The following CYTH3 variants were observed in gnomAD, a reference collection of about 807,000 sequenced individuals.
CYTH3 encodes cytohesin-3.
In CYTH3, 23 loss-of-function variants were observed where a neutral mutation model predicts 55.1. The observed-to-expected ratio is 0.42, with a 90% CI of 0.30 to 0.59. The LOEUF is 0.59. Ranked by LOEUF, CYTH3 falls within the 20% of genes least tolerant of loss-of-function variation. CYTH3 has a pLI of 0.20. For missense variants in CYTH3, 413 were observed against 524.8 expected (o/e 0.79, Z 2.08); for synonymous variants, 249 against 194.9 (o/e 1.28, Z -2.31).
At chr7:6,192,766 C>G (rs1410910704) in intron 1 of CYTH3, among the ~76,000 whole-genome samples, 1 of 150,634 alleles carries the variant, frequency 6.6e-6, no homozygotes, top group Non-Finnish European at 1.5e-5. Context: ...CTCCTGACCT[C>G]AAGTGATCCA....
At position 6,214,210 on chromosome 7, in the gene CYTH3, AGGTTAATC is replaced by A. The variant is rs557899194; in HGVS notation, c.35-23687_35-23680del. ...CATGTGATAAAGCACACACAGTGAA[AGGTTAATC>A]GTGGAGCCTAGGTGGGGGGTTTACA... is the stretch of plus-strand genomic sequence containing the variant. On this transcript the variant is annotated intron_variant, in intron 1 of 12. Transcript: ENST00000350796. Among the ~76,000 whole-genome samples the A allele has an allele frequency of 3.8e-4, 58 of 152,356 alleles. No homozygotes were observed. In the South Asian group the frequency reaches 9.9e-3, roughly 26 times the overall value.
chr7:6,190,321 T>TA (rs1251678573), intron 2 of CYTH3, 128 bp downstream of exon 2: 2 of 841,684 alleles, frequency 2.4e-6, no homozygotes, highest in Non-Finnish European at 3.5e-6. Context: ...AAACATCTTT[T>TA]TTTTTTGTTA....
chr7:6,207,086 C>CTTTTTT (rs58910123), intron 1 of CYTH3, among the ~76,000 whole-genome samples: 3 of 104,052 alleles, frequency 2.9e-5, no homozygotes, highest in East Asian at 4.3e-4. Flanking sequence ...AAATGTGCAA[C>CTTTTTT]TTTTTTTTTT....
In CYTH3 at chr7:6,167,354, G is replaced by A. The variant is rs1455404565; in HGVS notation, c.824-1544C>T. On this transcript the variant is annotated intron_variant, in intron 9 of 12. Transcript: ENST00000350796. The surrounding 1 kb of genome is among the most constrained non-coding windows in gnomAD (Gnocchi z 5.5). ...GTGTTCTATGTCCCCGAGACCCTAG[G>A]GACAGGAGGACAGTGCTGATTCCTT... is the stretch of plus-strand genomic sequence containing the variant. Among the ~76,000 whole-genome samples the A allele has an allele frequency of 6.6e-6, 1 of 152,126 alleles. No individual in the cohort carries two copies. Among genetic ancestry groups the A allele is most frequent in the Non-Finnish European group, 1.5e-5 (1 of 68,004 alleles).
Position 6,177,922 on chromosome 7 carries a change from T to A in CYTH3, c.269A>T (p.Glu90Val), listed in dbSNP as rs1163074197. Reference protein sequence around the residue: ...DPKKGIQFLIENDLLQSSPED... With the variant: ...DPKKGIQFLIVNDLLQSSPED... ...TGGGGAACTCTGTAGCAGGTCATTT[T>A]CTATTAGAAACTGAATTCCCTGAAG... The change falls in exon 5 of 13, where the codon GAA (glutamate) becomes GTA (valine). Residue 90 changes from glutamate (E) to valine (V), a missense_variant. Glu to Val is a moderately radical substitution (Grantham distance 121). Around this residue, in one of 4 missense-constraint regions of CYTH3, gnomAD observed 152 missense variants for 148.1 expected, o/e 1.03. Coordinates refer to ENST00000350796, the MANE Select transcript of CYTH3 (RefSeq NM_004227.4). 2 of 1,614,036 alleles carry A rather than the reference T, an allele frequency of 1.2e-6. No homozygotes were observed. Among genetic ancestry groups the A allele is most frequent in the African/African-American group, 2.7e-5 (2 of 75,056 alleles).
intron 2 of CYTH3, 22 bp downstream of exon 2, chr7:6,190,427 G>GT (rs1783772420): frequency 3.7e-5 from 46 of 1,247,538 alleles, no homozygotes; most frequent in South Asian, 2.1e-4. Context: ...TTGGATTTTT[G>GT]GTTTTTTTTT....
chr7:6,198,112 G>GAA (rs547379573), intron 1 of CYTH3, among the ~76,000 whole-genome samples: 1 of 131,642 alleles, frequency 7.6e-6, no homozygotes. Flanking sequence ...AAAAAAAAAG[G>GAA]AAAAAAAAAA....
chr7:6,192,689 G>A (rs1410112240), intron 1 of CYTH3, among the ~76,000 whole-genome samples: 5 of 151,218 alleles, frequency 3.3e-5, no homozygotes, highest in African/African-American at 9.7e-5. Flanking sequence ...GCACCACCAC[G>A]CTCGGCTAAT....
intron 1 of CYTH3, among the ~76,000 whole-genome samples, chr7:6,257,117 T>TA (rs1780149363): frequency 6.6e-6 from 1 of 152,180 alleles, no homozygotes; most frequent in African/African-American, 2.4e-5. Flanking sequence ...GATTTTTTTT[T>TA]ACATAAGGCA....
chr7:6,199,359 T>C (rs1032913325), intron 1 of CYTH3, among the ~76,000 whole-genome samples: 2 of 151,802 alleles, frequency 1.3e-5, no homozygotes, highest in Admixed American at 6.6e-5. Context: ...ATGATGGGGG[T>C]AGAAAAACAG....
intron 1 of CYTH3, among the ~76,000 whole-genome samples, chr7:6,247,172 T>A (rs942653335): frequency 2.0e-5 from 3 of 152,254 alleles, no homozygotes; most frequent in African/African-American, 7.2e-5. Context: ...CCTTCACAAA[T>A]TAACAACAAT....
At chr7:6,235,490 A>AG (rs1182359490) in intron 1 of CYTH3, among the ~76,000 whole-genome samples, 1 of 151,562 alleles carries the variant, frequency 6.6e-6, no homozygotes, top group Non-Finnish European at 1.5e-5. Flanking sequence ...AAAAAAAAAA[A>AG]ACTGCTTAGT....
chr7:6,169,290 G>A lies in CYTH3; in HGVS notation c.823+1245C>T, dbSNP rs948915341. Among the ~76,000 whole-genome samples the A allele has an allele frequency of 3.9e-5, 6 of 152,144 alleles. No individual in the cohort carries two copies. Among genetic ancestry groups the A allele is most frequent in the African/African-American group, 1.4e-4 (6 of 41,428 alleles). On this transcript the variant is annotated intron_variant, in intron 9 of 12. Coordinates refer to ENST00000350796, the MANE Select transcript of CYTH3 (RefSeq NM_004227.4). The surrounding 1 kb of genome is among the most constrained non-coding windows in gnomAD (Gnocchi z 4.1). The stretch of plus-strand genomic sequence containing the variant: ...GGTGGGAGAGCAGTGGCACAGTCAT[G>A]GTTCATTGGAGCCTCAACCTCCTGG...
intron 1 of CYTH3, among the ~76,000 whole-genome samples, chr7:6,247,401 T>C (rs1779848053): frequency 6.6e-6 from 1 of 152,004 alleles, no homozygotes; most frequent in African/African-American, 2.4e-5. Context: ...AATGAGCTCT[T>C]TGAATATACA....
intron 1 of CYTH3, among the ~76,000 whole-genome samples, chr7:6,253,613 T>A (rs1477354998): frequency 6.6e-6 from 1 of 151,572 alleles, no homozygotes; most frequent in African/African-American, 2.4e-5. Flanking sequence ...GTCAGGAGTT[T>A]GAGACCAGCC....
At chr7:6,203,695 T>G (rs1183851429) in intron 1 of CYTH3, among the ~76,000 whole-genome samples, 2 of 152,042 alleles carry the variant, frequency 1.3e-5, no homozygotes, top group Non-Finnish European at 1.5e-5. Flanking sequence ...AGGAATACCT[T>G]GACCAACTTA....
At chr7:6,265,671 T>A (rs1358291062) in intron 1 of CYTH3, among the ~76,000 whole-genome samples, 1 of 148,994 alleles carries the variant, frequency 6.7e-6, no homozygotes, top group African/African-American at 2.5e-5. Flanking sequence ...AACTACAGCG[T>A]GTGGGCCATG....
At chr7:6,253,904 A>G (rs1780036411) in intron 1 of CYTH3, among the ~76,000 whole-genome samples, 1 of 151,966 alleles carries the variant, frequency 6.6e-6, no homozygotes, top group African/African-American at 2.4e-5. Context: ...GAGGCAGGAG[A>G]ATCACTTGAA....
intron 5 of CYTH3, among the ~76,000 whole-genome samples, chr7:6,174,384 G>C (rs1005141303): frequency 1.3e-5 from 2 of 151,960 alleles, no homozygotes; most frequent in Admixed American, 1.3e-4. Context: ...CAAAGTGCTG[G>C]GATTACAGGT....
Sources: gnomAD v4.1 joint callset for allele counts (sites outside exome capture counted in the v4.1 genomes callset) on GRCh38, gnomAD v4.1.1 for gene constraint, gnomAD v4.1.1 regional missense constraint, Gnocchi (gnomAD v3.1) non-coding constraint, MANE v1.5 for transcripts, NCBI Gene and HGNC (gene_info 2026-07-23, HGNC 2026-07-21) for gene names.